The following DDB1 variants were observed in gnomAD, a reference collection of about 807,000 sequenced individuals.
DDB1 encodes the protein DNA damage-binding protein 1.
A neutral mutation model predicts 133.1 loss-of-function variants in DDB1; 18 were observed. The ratio of observed to expected loss-of-function variants is 0.14; its 90% CI spans 0.09 to 0.20. DDB1 has a LOEUF of 0.20. Among genes scored for constraint, DDB1 ranks in the 10% least tolerant of loss-of-function variants. The pLI, the probability that DDB1 is intolerant of heterozygous loss-of-function variation, is 1.00. For synonymous variants in DDB1, 580 were observed against 550.5 expected (o/e 1.05, Z -0.75); for missense variants, 828 against 1,459.2 (o/e 0.57, Z 7.05).
intron 3 of DDB1, 67 bp from the exon 4 acceptor site, chr11:61,329,651 C>G (rs1856333082): frequency 4.8e-6 from 7 of 1,459,572 alleles, no homozygotes; most frequent in Non-Finnish European, 5.6e-6. Context: ...ACGCTGGGCA[C>G]CACTTGTGCA....
chr11:61,310,236 C>T, intron 19 of DDB1, 59 bp downstream of exon 19: 1 of 1,572,758 alleles, frequency 6.4e-7, no homozygotes, highest in South Asian at 1.2e-5. Flanking sequence ...TACCAGAGCC[C>T]AGAACAGCCT....
chr11:61,329,214 C>T (rs1856321294), intron 4 of DDB1, 149 bp downstream of exon 4: 2 of 720,218 alleles, frequency 2.8e-6, no homozygotes, highest in African/African-American at 3.5e-5. Flanking sequence ...GAAAGTCTGA[C>T]CCATATTAAT....
In DDB1 at chr11:61,316,481, CCCA is replaced by C. The variant is rs1326537103; in HGVS notation, c.1301+8_1301+10del. On this transcript the variant is annotated splice_region_variant and intron_variant, in intron 11 of 26. Coordinates refer to ENST00000301764, the MANE Select transcript of DDB1 (RefSeq NM_001923.5). ...ACCAGCACCTACAGCTGGCACTAGA[CCCA>C]TCCTTACCTTGTCTGGCCCACAAAA... 2.5e-6 allele frequency: 4 copies of C among 1,614,060 alleles called. No homozygotes were observed. The highest frequency in any genetic ancestry group is 3.4e-6 in the Non-Finnish European group (4 of 1,180,034).
At chr11:61,302,215 G>A (rs150781675) in intron 25 of DDB1, 42 bp downstream of exon 25, 118 of 1,553,378 alleles carry the variant, frequency 7.6e-5, no homozygotes, top group South Asian at 3.7e-4. Context: ...CACATATGCC[G>A]GGATGTGCTT....
Position 61,332,960 on chromosome 11 carries a change from G to A in DDB1, c.9C>T (p.Tyr3=). Residue 3 remains tyrosine, a synonymous_variant, in exon 1 of 27, where the codon TAC becomes TAT. Transcript: ENST00000301764. The part of the protein sequence containing the change: MS[Y]NYVVTAQKPT... ...GCTTCTGGGCCGTTACCACGTAGTT[G>A]TACGACATGTCGAGGCTTGGAGCGG... is the stretch of plus-strand genomic sequence containing the variant. The A allele has an allele frequency of 6.6e-7, 1 of 1,516,138 alleles. No individual in the cohort carries two copies. The highest frequency in any genetic ancestry group is 8.9e-7 in the Non-Finnish European group (1 of 1,125,834). The allele number at this position is 1,516,138 out of a possible 1,614,324, so 93.9% of individuals were successfully genotyped here.
Position 61,316,477 on chromosome 11 carries a change from T to C in DDB1, c.1301+15A>G, listed in dbSNP as rs28720300. 2.2e-3 allele frequency: 3,519 copies of C among 1,614,168 alleles called. 53 individuals are homozygous for C. The East Asian group carries it at 0.045, about 21-fold the overall frequency. On this transcript the variant is annotated intron_variant, in intron 11 of 26. Coordinates refer to ENST00000301764, the MANE Select transcript of DDB1 (RefSeq NM_001923.5). ...TCTCACCAGCACCTACAGCTGGCAC[T>C]AGACCCATCCTTACCTTGTCTGGCC...
intron 12 of DDB1, chr11:61,315,120 G>C (rs1391503097): frequency 2.6e-5 from 4 of 151,998 alleles, no homozygotes; most frequent in African/African-American, 9.7e-5. Context: ...GAGCCACCAT[G>C]TTGACTGTGA....
At chr11:61,331,770 C>G in intron 1 of DDB1, 79 bp from the exon 2 acceptor site, 1 of 1,563,554 alleles carries the variant, frequency 6.4e-7, no homozygotes, top group South Asian at 1.1e-5. Context: ...TCACTTATGT[C>G]TAAATACCTC....
intron 6 of DDB1, 24 bp downstream of exon 6, chr11:61,325,587 A>G: frequency 6.3e-7 from 1 of 1,587,856 alleles, no homozygotes; most frequent in Non-Finnish European, 8.6e-7. Flanking sequence ...AGATGAAAGG[A>G]AAAAAAGGTA....
intron 10 of DDB1, among the ~76,000 whole-genome samples, chr11:61,317,059 C>T (rs1262554292): frequency 7.1e-6 from 1 of 140,472 alleles, no homozygotes; most frequent in Non-Finnish European, 1.6e-5. Context: ...CTGGAACCCC[C>T]TCTCTGCTCC....
chr11:61,320,078 C>T (rs61895894), intron 10 of DDB1, among the ~76,000 whole-genome samples: 171 of 152,294 alleles, frequency 1.1e-3, no homozygotes, highest in Non-Finnish European at 2.0e-3. Flanking sequence ...AATTTCAGTA[C>T]ATTACTTTTA....
intron 26 of DDB1, 76 bp downstream of exon 26, chr11:61,300,733 C>T (rs2134888896): frequency 1.9e-6 from 3 of 1,585,678 alleles, no homozygotes; most frequent in Non-Finnish European, 2.6e-6. Context: ...AGGAGAGGTG[C>T]CCAGAGACAG....
At chr11:61,331,069 C>T (rs1856358478) in intron 2 of DDB1, among the ~76,000 whole-genome samples, 2 of 152,188 alleles carry the variant, frequency 1.3e-5, no homozygotes, top group South Asian at 2.1e-4. Context: ...CCTTAAGTGG[C>T]ACCTAAAGTC....
chr11:61,314,717 G>T, intron 12 of DDB1: 1 of 461,804 alleles, frequency 2.2e-6, no homozygotes, highest in Non-Finnish European at 3.8e-6. Context: ...ACAGCTGGTG[G>T]GGAAAAGGCC....
chr11:61,311,280 A>G (rs1419187013), intron 18 of DDB1: 1 of 147,864 alleles, frequency 6.8e-6, no homozygotes, highest in African/African-American at 2.7e-5. Flanking sequence ...ACATAACATA[A>G]CATAACATAA....
At chr11:61,328,156 G>C (rs1044043250) in intron 4 of DDB1, among the ~76,000 whole-genome samples, 3 of 152,114 alleles carry the variant, frequency 2.0e-5, no homozygotes, top group African/African-American at 7.2e-5. Context: ...CAAAACTAAA[G>C]AACATAGAGA....
chr11:61,313,968 C>A lies in DDB1; in HGVS notation c.1755G>T (p.Glu585Asp). Residue 585 changes from glutamate to aspartate, a missense_variant and splice_region_variant, in exon 15 of 27, where the codon GAG becomes GAT. Around this residue, in one of 7 missense-constraint regions of DDB1, gnomAD observed 396 missense variants for 554.1 expected, o/e 0.71. Transcript: ENST00000301764. ...ELLHKEMLGG[E>D]IIPRSILMTT... ...TCATCAGGATGGAGCGAGGAATGAT[C>A]TCTGTGAGAAAGGGGGACATTATGT... The A allele has an allele frequency of 6.2e-7, 1 of 1,614,188 alleles. No homozygotes were observed. Among genetic ancestry groups the A allele is most frequent in the Admixed American group, 1.7e-5 (1 of 60,020 alleles).
intron 6 of DDB1, 143 bp downstream of exon 6, chr11:61,325,468 T>A (rs1180489066): frequency 9.2e-6 from 6 of 652,620 alleles, no homozygotes; most frequent in Non-Finnish European, 1.6e-5. Context: ...GTATTCCCAA[T>A]GGCCAACGCA....
intron 21 of DDB1, among the ~76,000 whole-genome samples, chr11:61,306,034 G>A (rs1194265009): frequency 6.6e-6 from 1 of 152,152 alleles, no homozygotes; most frequent in Non-Finnish European, 1.5e-5. Context: ...TTTTGCATTT[G>A]TTAATGTGGC....
Sources: gnomAD v4.1 joint callset for allele counts (sites outside exome capture counted in the v4.1 genomes callset) on GRCh38, gnomAD v4.1.1 for gene constraint, gnomAD v4.1.1 regional missense constraint, MANE v1.5 for transcripts, NCBI Gene and HGNC (gene_info 2026-07-23, HGNC 2026-07-21) for gene names.